Variants in STAP2 observed in about 807,000 individuals in gnomAD.
The protein encoded by STAP2 is signal-transducing adaptor protein 2.
STAP2 carries 58 observed loss-of-function variants against 52.7 expected under a neutral mutation model. The observed-to-expected ratio is 1.10, with a 90% CI of 0.89 to 1.37. STAP2 has a LOEUF of 1.37. STAP2 is among the 40% of genes most tolerant of loss of function. STAP2 has a pLI of 0.00. For synonymous variants in STAP2, 231 were observed against 210.5 expected, an observed-to-expected ratio of 1.10 and a Z score of -0.84; for missense variants, 522 against 519.4, an observed-to-expected ratio of 1.00 and a Z score of -0.05.
Position 4,324,070 on chromosome 19 carries a change from A to G in STAP2, c.*63T>C. On this transcript the variant is annotated 3_prime_UTR_variant, in exon 13 of 13. Coordinates refer to ENST00000594605, the MANE Select transcript of STAP2 (RefSeq NM_001013841.2). ...CTGGGGTCAGAGTTTTAATCCTGGG[A>G]AAAAGAATCTGGCCGCTGGGCCATG... The G allele has an allele frequency of 6.6e-7, 1 of 1,516,682 alleles. No homozygotes were observed. Among genetic ancestry groups the G allele is most frequent in the Non-Finnish European group, 9.0e-7 (1 of 1,116,928 alleles). The allele number at this position is 1,516,682 out of a possible 1,614,324, so 94.0% of individuals were successfully genotyped here.
chr19:4,327,448 G>A (rs1971813669), intron 6 of STAP2, 63 bp from the exon 7 acceptor site: 1 of 1,571,878 alleles, frequency 6.4e-7, no homozygotes, highest in Admixed American at 1.7e-5. Context: ...CTCAGGGAAG[G>A]CCCCGCCCCA....
intron 7 of STAP2, 40 bp from the exon 8 acceptor site, chr19:4,327,266 G>A: frequency 6.2e-7 from 1 of 1,613,796 alleles, no homozygotes; most frequent in South Asian, 1.1e-5. Context: ...GCTGGAGAAG[G>A]GACGCGGACC....
intron 1 of STAP2, among the ~76,000 whole-genome samples, chr19:4,337,555 A>G (rs1971999794): frequency 1.3e-5 from 2 of 151,632 alleles, no homozygotes; most frequent in South Asian, 4.2e-4. Context: ...CTTCAAAAAA[A>G]AAAAAAAAAG....
intron 3 of STAP2, 118 bp from the exon 4 acceptor site, chr19:4,332,196 CTTTTTTTTTTT>C (rs58828365): frequency 0.06 from 14,375 of 239,168 alleles, 68 homozygotes; most frequent in East Asian, 0.14. Flanking sequence ...TCTTTTTCTT[CTTTTTTTTTTT>C]TTTTTTTTTT....
intron 9 of STAP2, among the ~76,000 whole-genome samples, chr19:4,326,231 C>T (rs1429851514): frequency 2.0e-5 from 3 of 152,174 alleles, no homozygotes; most frequent in Non-Finnish European, 4.4e-5. Context: ...TGTATCTGTG[C>T]TACATAGCAT....
intron 3 of STAP2, 92 bp downstream of exon 3, chr19:4,333,602 T>A (rs1453644800): frequency 6.7e-7 from 1 of 1,495,332 alleles, no homozygotes; most frequent in Non-Finnish European, 8.9e-7. Context: ...CTGTACTACC[T>A]GCCCCTTCGT....
intron 1 of STAP2, among the ~76,000 whole-genome samples, chr19:4,335,157 T>C (rs970027283): frequency 7.0e-6 from 1 of 142,474 alleles, no homozygotes; most frequent in Admixed American, 7.0e-5. Context: ...CCCTCCATCA[T>C]CCATCCACCT....
chr19:4,324,767 G>A (rs1423302495), intron 11 of STAP2: 1 of 506,510 alleles, frequency 2.0e-6, no homozygotes, highest in East Asian at 3.6e-5. Flanking sequence ...GGCAGACAGA[G>A]GTTGCAGTGA....
In STAP2 at chr19:4,333,800, T is replaced by C; in HGVS notation, c.191A>G (p.Asn64Ser). ...NRDFQHVEKL[N>S]LGAFEKLTDE... ...TGTGAGTTTCTCAAATGCTCCCAAG[T>C]TGAGCTTCTCCACGTGCTGGGGGCA... Residue 64 changes from asparagine to serine, a missense_variant, in exon 3 of 13, where the codon AAC becomes AGC. Physicochemically the swap from Asn to Ser is conservative, Grantham distance 46. Transcript: ENST00000594605. 1 of 1,613,846 alleles carries C rather than the reference T, an allele frequency of 6.2e-7. No individual in the cohort carries two copies. Among genetic ancestry groups the C allele is most frequent in the Non-Finnish European group, 8.5e-7 (1 of 1,179,990 alleles).
At chr19:4,326,656 C>T (rs1422161150) in intron 9 of STAP2, among the ~76,000 whole-genome samples, 1 of 152,114 alleles carries the variant, frequency 6.6e-6, no homozygotes, top group Non-Finnish European at 1.5e-5. Context: ...TGCTCTGCCC[C>T]CATCTTCTCC....
intron 3 of STAP2, among the ~76,000 whole-genome samples, 193 bp from the exon 4 acceptor site, chr19:4,332,271 G>T (rs996651602): frequency 7.6e-6 from 1 of 131,170 alleles, no homozygotes. Flanking sequence ...ACAGTGGCGC[G>T]ATCTCAGCTC....
At chr19:4,338,390 G>T in intron 1 of STAP2, 1 of 317,374 alleles carries the variant, frequency 3.2e-6, no homozygotes, top group Non-Finnish European at 5.9e-6. Flanking sequence ...GAGAGAGGGA[G>T]ACTGAGACAG....
intron 1 of STAP2, among the ~76,000 whole-genome samples, chr19:4,337,132 G>C (rs1971993008): frequency 6.6e-6 from 1 of 151,980 alleles, no homozygotes; most frequent in African/African-American, 2.4e-5. Context: ...AGGCAGTCAT[G>C]GTGGCTCACA....
In STAP2 at chr19:4,333,706, C is replaced by T. The variant is rs1378715859; in HGVS notation, c.285G>A (p.Glu95=). 2.0e-5 allele frequency: 32 copies of T among 1,612,178 alleles called. No individual in the cohort carries two copies. The highest frequency in any genetic ancestry group is 2.7e-5 in the Non-Finnish European group (32 of 1,179,872). ...GCAAGGGACCTACCTTGAACTTGAT[C>T]TCCTGATCCCGGAGAATCAGGCTGA... The part of the protein sequence containing the change: ...THFSLILRDQ[E]IKFKVETLEC... The change falls in exon 3 of 13, where the codon GAG becomes GAA. Residue 95 remains glutamate (E), a synonymous_variant. Coordinates refer to ENST00000594605, the MANE Select transcript of STAP2 (RefSeq NM_001013841.2).
intron 1 of STAP2, chr19:4,338,120 G>GCA (rs150161206): frequency 0.088 from 13,255 of 151,406 alleles, 645 homozygotes; most frequent in Middle Eastern, 0.21. Context: ...GGAGACATAA[G>GCA]CACACACACA....
At position 4,324,149 on chromosome 19, in the gene STAP2, C is replaced by T. The variant is rs1364919591; in HGVS notation, c.1196G>A (p.Arg399Gln). The change falls in exon 13 of 13, where the codon CGG becomes CAG. Residue 399 changes from arginine to glutamine, a missense_variant. Physicochemically the swap from Arg to Gln is conservative, Grantham distance 43. Transcript: ENST00000594605. ...AELQKKLEKR[R>Q]ALEH is the part of the protein sequence containing the mutation. ...GTGTCCGAATCAGTGCTCCAGTGCC[C>T]GCCTCTTCTCCAGCTTCTTCTGTAG... 3.9e-6 allele frequency: 6 copies of T among 1,551,398 alleles called. No homozygotes were observed. Among genetic ancestry groups the T allele is most frequent in the Admixed American group, 2.0e-5 (1 of 50,978 alleles).
chr19:4,325,090 G>C (rs917438570), intron 11 of STAP2, 126 bp downstream of exon 11: 2 of 819,642 alleles, frequency 2.4e-6, no homozygotes, highest in Admixed American at 2.4e-5. Context: ...AGTGAGCCAA[G>C]GTTGTGCCAC....
Position 4,325,131 on chromosome 19 carries a change from T to C in STAP2, c.1072+85A>G, listed in dbSNP as rs549913241. The C allele has an allele frequency of 2.8e-5, 32 of 1,162,434 alleles. No homozygotes were observed. In the South Asian group the frequency reaches 4.2e-4, roughly 15 times the overall value. The allele number at this position is 1,162,434 out of a possible 1,614,324, so 72.0% of individuals were successfully genotyped here. ...TCCAGCCTGGGCGACAGAGTGAGACTGTCTCAAAAAAAAAAAAAAAAGTCA... is the reference window on the plus strand; with the variant it reads ...TCCAGCCTGGGCGACAGAGTGAGACCGTCTCAAAAAAAAAAAAAAAAGTCA... On this transcript the variant is annotated intron_variant, in intron 11 of 12. Coordinates refer to ENST00000594605, the MANE Select transcript of STAP2 (RefSeq NM_001013841.2).
intron 3 of STAP2, 118 bp from the exon 4 acceptor site, chr19:4,332,196 C>CTTTTTTT (rs58828365): frequency 4.6e-6 from 1 of 218,764 alleles, no homozygotes; most frequent in Admixed American, 1.2e-4. Context: ...TCTTTTTCTT[C>CTTTTTTT]TTTTTTTTTT....
Sources: gnomAD v4.1 joint callset for allele counts (sites outside exome capture counted in the v4.1 genomes callset) on GRCh38, gnomAD v4.1.1 for gene constraint, MANE v1.5 for transcripts, NCBI Gene and HGNC (gene_info 2026-07-23, HGNC 2026-07-21) for gene names.